Variants in OPHN1 observed in about 807,000 individuals in gnomAD.
OPHN1 encodes the protein oligophrenin-1.
A neutral mutation model predicts 60.7 loss-of-function variants in OPHN1; 11 were observed. That is an observed-to-expected ratio of 0.18 (90% CI 0.11 to 0.30). The LOEUF (loss-of-function observed/expected upper bound fraction) is 0.30, where lower values mean the gene tolerates loss of function less well. OPHN1 is among the 10% of genes least tolerant of loss of function. The pLI is 1.00. For missense variants in OPHN1, 449 were observed against 611.0 expected (o/e 0.73, Z 2.80); for synonymous variants, 226 against 222.6 (o/e 1.02, Z -0.14).
intron 5 of OPHN1, among the ~76,000 whole-genome samples, chrX:68,261,794 G>A (rs973494474): frequency 3.6e-5 from 4 of 111,523 alleles, no homozygotes; most frequent in Non-Finnish European, 5.6e-5. Flanking sequence ...TCATGGACTC[G>A]CAGCCAAAGA....
In OPHN1 at chrX:68,046,573, T is replaced by C. The variant is rs1327919168; in HGVS notation, c.*599A>G. 1 of 112,169 alleles carries C rather than the reference T, an allele frequency of 8.9e-6. No individual in the cohort carries two copies. The highest frequency in any genetic ancestry group is 1.9e-5 in the Non-Finnish European group (1 of 53,235). 9.2% of individuals were successfully genotyped at this position (112,169 alleles called of 1,213,427 possible). A position where few individuals can be genotyped will look rare whatever the true frequency, so the allele number is the denominator to read the frequency against. On this transcript the variant is annotated 3_prime_UTR_variant, in exon 25 of 25. Coordinates refer to ENST00000355520, the MANE Select transcript of OPHN1 (RefSeq NM_002547.3). ...GCTGTGGGGGCATCACTCATCCCAC[T>C]CATAGCCTCGCAGGAGCAGACGGGC...
chrX:68,061,872 A>G (rs1021431245), intron 21 of OPHN1, among the ~76,000 whole-genome samples: 1 of 111,493 alleles, frequency 9.0e-6, no homozygotes, highest in Non-Finnish European at 1.9e-5. Flanking sequence ...CCGCACACTG[A>G]ATAGCTTTTA....
chrX:68,070,723 C>T (rs1433451597), intron 20 of OPHN1: 8 of 1,112,738 alleles, frequency 7.2e-6, no homozygotes, highest in Non-Finnish European at 9.9e-6. Context: ...GCTTTGGTTC[C>T]CTGGGCAAAA....
At chrX:68,223,014 A>G (rs902149568) in intron 6 of OPHN1, among the ~76,000 whole-genome samples, 1 of 112,062 alleles carries the variant, frequency 8.9e-6, no homozygotes, top group Non-Finnish European at 1.9e-5. Flanking sequence ...CTCCACTCAG[A>G]AAGGCCATTA....
intron 15 of OPHN1, among the ~76,000 whole-genome samples, chrX:68,143,461 C>T (rs1353848655): frequency 9.0e-6 from 1 of 110,848 alleles, no homozygotes; most frequent in African/African-American, 3.3e-5. Flanking sequence ...CTTTGGGAAA[C>T]GGGTACCTTG....
At chrX:68,267,523 A>G (rs1026086817) in intron 5 of OPHN1, among the ~76,000 whole-genome samples, 3 of 112,295 alleles carry the variant, frequency 2.7e-5, no homozygotes, top group African/African-American at 9.7e-5. Context: ...GGACACATTC[A>G]AAGCAGTGTG....
intron 19 of OPHN1, among the ~76,000 whole-genome samples, chrX:68,095,447 G>A (rs938609143): frequency 2.8e-4 from 31 of 112,030 alleles, no homozygotes; most frequent in African/African-American, 8.4e-4. Flanking sequence ...TTTATTATAC[G>A]GTCCTTTAAG....
intron 2 of OPHN1, among the ~76,000 whole-genome samples, chrX:68,358,031 G>A (rs950111348): frequency 4.6e-5 from 5 of 108,397 alleles, no homozygotes; most frequent in Admixed American, 1.0e-4. Context: ...TGGCTCACGC[G>A]TATAATCCCA....
intron 2 of OPHN1, among the ~76,000 whole-genome samples, chrX:68,358,139 A>AT (rs1199593715): frequency 6.7e-4 from 72 of 107,502 alleles, no homozygotes; most frequent in African/African-American, 2.0e-3. Context: ...AAAAAAAAAA[A>AT]AATAATAAAA....
rs186322281 is a variant in OPHN1, at chrX:68,106,367, T to A, written c.1526+5487A>T. ...TACATAGGGGTACTAGATGGTAGGA[T>A]TTTATTGTCTGACTCCAATCTTATC... is the stretch of plus-strand genomic sequence containing the variant. On this transcript the variant is annotated intron_variant, in intron 18 of 24. Coordinates refer to ENST00000355520, the MANE Select transcript of OPHN1 (RefSeq NM_002547.3). Among the ~76,000 whole-genome samples the A allele has an allele frequency of 2.7e-3, 298 of 110,986 alleles. 2 individuals carry two copies. Among genetic ancestry groups the A allele is most frequent in the African/African-American group, 9.2e-3 (280 of 30,566 alleles).
chrX:68,416,110 A>C (rs1221008171), intron 2 of OPHN1, among the ~76,000 whole-genome samples: 10 of 91,338 alleles, frequency 1.1e-4, no homozygotes, highest in African/African-American at 1.4e-4. Flanking sequence ...AGAGAGAGAG[A>C]GCGCTCACTG....
intron 2 of OPHN1, among the ~76,000 whole-genome samples, chrX:68,412,389 A>T (rs762204245): frequency 8.9e-6 from 1 of 112,150 alleles, no homozygotes; most frequent in Non-Finnish European, 1.9e-5. Context: ...CCAGCCAAAA[A>T]CTGTATACTT....
intron 15 of OPHN1, among the ~76,000 whole-genome samples, chrX:68,126,575 G>T (rs1012588754): frequency 1.8e-5 from 2 of 110,835 alleles, no homozygotes; most frequent in African/African-American, 3.3e-5. Context: ...CTCCTGAGTA[G>T]CTGGGATTAC....
Position 68,371,834 on chromosome X carries a change from T to G in OPHN1, c.154+61033A>C, listed in dbSNP as rs764624224. Among the ~76,000 whole-genome samples the G allele has an allele frequency of 8.9e-5, 10 of 112,503 alleles. No homozygotes were observed. The East Asian group carries it at 2.3e-3, about 25-fold the overall frequency. ...ATCTCGGCTCACTGCAACCTCTGCCTCCAGGATTCAAAGAATTCTTCTGCC... is the reference window on the plus strand; with the variant it reads ...ATCTCGGCTCACTGCAACCTCTGCCGCCAGGATTCAAAGAATTCTTCTGCC... On this transcript the variant is annotated intron_variant, in intron 2 of 24. Coordinates refer to ENST00000355520, the MANE Select transcript of OPHN1 (RefSeq NM_002547.3).
At chrX:68,119,473 A>G in intron 15 of OPHN1, 141 bp from the exon 16 acceptor site, 1 of 478,409 alleles carries the variant, frequency 2.1e-6, no homozygotes, top group East Asian at 3.8e-5. Context: ...AATCTTTGAT[A>G]TTTCAAAAAC....
chrX:68,182,770 G>A (rs1170947675), intron 15 of OPHN1, among the ~76,000 whole-genome samples: 2 of 111,359 alleles, frequency 1.8e-5, no homozygotes, highest in East Asian at 2.8e-4. Flanking sequence ...AAATTATCCA[G>A]GCCTGGTGGC....
In OPHN1 at chrX:68,392,946, G is replaced by A. The variant is rs767186163; in HGVS notation, c.154+39921C>T. 8.1e-5 allele frequency among the ~76,000 whole-genome samples: 9 copies of A among 110,953 alleles called. No homozygotes were observed. In the South Asian group the frequency reaches 1.2e-3, roughly 15 times the overall value. On this transcript the variant is annotated intron_variant, in intron 2 of 24. Coordinates refer to ENST00000355520, the MANE Select transcript of OPHN1 (RefSeq NM_002547.3). Reference sequence around the variant, plus strand: ...AGTTCGTGTGTGACTCGATTCTTCCGGGACACTGGACAAGAGCTCGGGATA... The same window carrying A: ...AGTTCGTGTGTGACTCGATTCTTCCAGGACACTGGACAAGAGCTCGGGATA...
chrX:68,287,156 G>GGAAAGAAAGAAAAGAAA (rs1555967048), intron 3 of OPHN1, among the ~76,000 whole-genome samples: 1 of 72,902 alleles, frequency 1.4e-5, no homozygotes, highest in Non-Finnish European at 2.3e-5. Flanking sequence ...GAAGAAAGAA[G>GGAAAGAAAGAAAAGAAA]GAAAGAAAGA....
At chrX:68,403,559 G>A (rs767870660) in intron 2 of OPHN1, among the ~76,000 whole-genome samples, 56 of 111,277 alleles carry the variant, frequency 5.0e-4, no homozygotes, top group Non-Finnish European at 3.6e-4. Flanking sequence ...AATGATAGCT[G>A]CTTTCAATTT....
Sources: gnomAD v4.1 joint callset for allele counts (sites outside exome capture counted in the v4.1 genomes callset) on GRCh38, gnomAD v4.1.1 for gene constraint, MANE v1.5 for transcripts, NCBI Gene and HGNC (gene_info 2026-07-23, HGNC 2026-07-21) for gene names.